NSD1: variants seen among roughly 807,000 people sequenced by gnomAD.
NSD1 encodes histone-lysine N-methyltransferase, H3 lysine-36 specific.
In NSD1, 26 loss-of-function variants were observed where a neutral mutation model predicts 242.7. That is an observed-to-expected ratio of 0.11 (90% confidence interval 0.08 to 0.15). The LOEUF (loss-of-function observed/expected upper bound fraction) is 0.15, where lower values mean the gene tolerates loss of function less well. Among genes scored for constraint, NSD1 ranks in the 10% least tolerant of loss-of-function variants. The pLI is 1.00. For synonymous variants in NSD1, 1,106 were observed against 1,178.1 expected (o/e 0.94, Z 1.25); for missense variants, 2,495 against 3,272.8 (o/e 0.76, Z 5.80).
intron 2 of NSD1, among the ~76,000 whole-genome samples, chr5:177,186,786 C>T (rs777801906): frequency 3.9e-5 from 6 of 151,990 alleles, no homozygotes; most frequent in Non-Finnish European, 7.4e-5. Flanking sequence ...ACCAAGAGTT[C>T]GAAAGCAGCC....
At chr5:177,249,299 C>T (rs113070588) in intron 11 of NSD1, among the ~76,000 whole-genome samples, 13 of 152,182 alleles carry the variant, frequency 8.5e-5, no homozygotes, top group African/African-American at 3.1e-4. Context: ...CACAGCGAGA[C>T]CCCTGTCTCT....
Position 177,267,683 on chromosome 5 carries a change from C to T in NSD1, c.5268C>T (p.Tyr1756=). The T allele has an allele frequency of 6.2e-7, 1 of 1,614,052 alleles. No homozygotes were observed. The change falls in exon 15 of 23, where the codon TAC becomes TAT. Residue 1756 remains tyrosine (Y), a synonymous_variant. Coordinates refer to ENST00000439151, the MANE Select transcript of NSD1 (RefSeq NM_022455.5). ...NDCKAGKKPH[Y]REIVWVKVGR... is the part of the protein sequence containing the mutation. ...GTAAAGCAGGCAAAAAGCCACACTA[C>T]AGGGAGATTGTCTGGGTAAAAGTTG... is the stretch of plus-strand genomic sequence containing the variant.
At chr5:177,148,198 A>G (rs1386430818) in intron 2 of NSD1, among the ~76,000 whole-genome samples, 1 of 151,064 alleles carries the variant, frequency 6.6e-6, no homozygotes, top group African/African-American at 2.4e-5. Context: ...GCTCGCTGCA[A>G]CCTCTGCCTC....
upstream of NSD1, chr5:177,132,975 C>G (rs936311425): frequency 1.3e-5 from 2 of 152,646 alleles, no homozygotes; most frequent in African/African-American, 2.4e-5. The surrounding 1 kb of genome is among the most constrained non-coding windows in gnomAD (Gnocchi z 7.5). Context: ...TGGGGCTGCA[C>G]AGGCTTGGCT....
At chr5:177,184,209 CTG>C (rs1205971188) in intron 2 of NSD1, among the ~76,000 whole-genome samples, 1 of 152,192 alleles carries the variant, frequency 6.6e-6, no homozygotes, top group Non-Finnish European at 1.5e-5. Flanking sequence ...AACCTCCAAA[CTG>C]TTGTCTAGAT....
intron 2 of NSD1, among the ~76,000 whole-genome samples, chr5:177,151,488 A>G (rs1463629547): frequency 1.3e-5 from 2 of 151,968 alleles, no homozygotes; most frequent in African/African-American, 4.8e-5. Context: ...TCCCGGGTTC[A>G]AGCGATTCAC....
At chr5:177,217,669 T>C in intron 5 of NSD1, among the ~76,000 whole-genome samples, 1 of 148,890 alleles carries the variant, frequency 6.7e-6, no homozygotes, top group South Asian at 2.1e-4. Flanking sequence ...TCACATTCTT[T>C]TTTTTTTTTT....
chr5:177,153,481 T>A (rs1757892311), intron 2 of NSD1, among the ~76,000 whole-genome samples: 1 of 152,110 alleles, frequency 6.6e-6, no homozygotes, highest in Non-Finnish European at 1.5e-5. Flanking sequence ...TGTTTACTGT[T>A]TGTATTTTTT....
chr5:177,191,704 A>G (rs1206527528), intron 2 of NSD1, among the ~76,000 whole-genome samples, 180 bp from the exon 3 acceptor site: 2 of 152,220 alleles, frequency 1.3e-5, no homozygotes, highest in East Asian at 1.9e-4. Context: ...ATAAAGGGCT[A>G]TGTTATGAAC....
intron 2 of NSD1, among the ~76,000 whole-genome samples, chr5:177,149,527 G>GT (rs1222919110): frequency 4.6e-5 from 7 of 152,050 alleles, no homozygotes; most frequent in South Asian, 4.1e-4. Context: ...TGCAGAGAGA[G>GT]TTTTTTCTGT....
intron 5 of NSD1, among the ~76,000 whole-genome samples, chr5:177,218,219 G>A (rs561860610): frequency 1.3e-5 from 2 of 152,160 alleles, no homozygotes; most frequent in South Asian, 2.1e-4. Flanking sequence ...GACTAATTTT[G>A]TAATTTTTTG....
At chr5:177,198,881 C>T (rs1274680151) in intron 3 of NSD1, among the ~76,000 whole-genome samples, 1 of 152,190 alleles carries the variant, frequency 6.6e-6, no homozygotes, top group South Asian at 2.1e-4. Context: ...ACATGGAACC[C>T]CATACTCTTT....
intron 3 of NSD1, among the ~76,000 whole-genome samples, chr5:177,198,201 T>G (rs554404379): frequency 1.3e-5 from 2 of 152,244 alleles, no homozygotes; most frequent in East Asian, 3.9e-4. Flanking sequence ...AATTTTTATA[T>G]TTTTTGTAGA....
chr5:177,132,030 G>C (rs1162582643), upstream of NSD1, among the ~76,000 whole-genome samples: 1 of 152,218 alleles, frequency 6.6e-6, no homozygotes, highest in African/African-American at 2.4e-5. This position sits in a 1 kb window ranked among gnomAD's most constrained non-coding sequence, Gnocchi z 7.5. Flanking sequence ...GGCCCAGCTT[G>C]GGCTCCCTGT....
rs368078696 is a variant in NSD1, at chr5:177,211,000, C to A, written c.2601C>A (p.Leu867=). 262 of 1,614,036 alleles carry A rather than the reference C, an allele frequency of 1.6e-4. No homozygotes were observed. The highest frequency in any genetic ancestry group is 6.7e-5 in the Non-Finnish European group (79 of 1,180,020). The change falls in exon 5 of 23, where the codon CTC becomes CTA. Residue 867 remains leucine (L), a synonymous_variant. Transcript: ENST00000439151. ...ATGTTTTATCCGAGTTGAAGGAACT[C>A]TCTTACAGATCCTTAGGTGAGGATG... is the stretch of plus-strand genomic sequence containing the variant. The part of the protein sequence containing the change: ...VKHVLSELKE[L]SYRSLGEDVS...
chr5:177,209,396 G>T (rs1009189585), intron 4 of NSD1, among the ~76,000 whole-genome samples: 3 of 151,764 alleles, frequency 2.0e-5, no homozygotes, highest in African/African-American at 7.3e-5. Context: ...GGGTGTGGTG[G>T]CGGGTGCCTG....
At chr5:177,167,059 A>C (rs1759265091) in intron 2 of NSD1, among the ~76,000 whole-genome samples, 1 of 151,588 alleles carries the variant, frequency 6.6e-6, no homozygotes, top group African/African-American at 2.4e-5. Flanking sequence ...CCAGACCTTG[A>C]GTTACTTTTT....
chr5:177,265,986 G>A, intron 14 of NSD1: 3 of 1,058,862 alleles, frequency 2.8e-6, no homozygotes, highest in South Asian at 1.3e-5. Context: ...ACATCCACTA[G>A]GGTTTCCTTG....
intron 2 of NSD1, among the ~76,000 whole-genome samples, chr5:177,178,240 T>G (rs1472027496): frequency 1.3e-5 from 2 of 152,054 alleles, no homozygotes; most frequent in Non-Finnish European, 2.9e-5. Context: ...ATTGATTGAT[T>G]TATGAGATGG....
Sources: allele counts gnomAD v4.1 joint callset (sites outside exome capture counted in the v4.1 genomes callset), GRCh38; gene constraint gnomAD v4.1.1; non-coding constraint Gnocchi (gnomAD v3.1); transcripts MANE v1.5; gene names NCBI Gene and HGNC (gene_info 2026-07-23, HGNC 2026-07-21).